Variants in ARHGEF38 observed in about 807,000 individuals in gnomAD.
ARHGEF38 encodes the protein Rho guanine nucleotide exchange factor (GEF) 38.
A neutral mutation model predicts 79.9 loss-of-function variants in ARHGEF38; 79 were observed. That is an observed-to-expected ratio of 0.99 (90% CI 0.82 to 1.19). The LOEUF (loss-of-function observed/expected upper bound fraction) is 1.19, where lower values mean the gene tolerates loss of function less well. Ranked by LOEUF, ARHGEF38 falls within the 50% of genes most tolerant of loss-of-function variation. The pLI is 0.00. For missense variants in ARHGEF38, 962 were observed against 907.2 expected, an observed-to-expected ratio of 1.06 and a Z score of -0.78; for synonymous variants, 366 against 328.3, an observed-to-expected ratio of 1.11 and a Z score of -1.24.
At chr4:105,620,916 C>G (rs1352215107) in intron 3 of ARHGEF38, among the ~76,000 whole-genome samples, 5 of 152,168 alleles carry the variant, frequency 3.3e-5, no homozygotes, top group Admixed American at 1.3e-4. Context: ...TGGGCCCAAG[C>G]CTTAGAAAAG....
rs2149171578 is a variant in ARHGEF38 at position 105,678,110 on chromosome 4, A to G, written c.*173A>G. The G allele has an allele frequency of 2.1e-6, 1 of 472,098 alleles. No homozygotes were observed. The highest frequency in any genetic ancestry group is 2.0e-5 in the African/African-American group (1 of 51,218). The allele number at this position is 472,098 out of a possible 1,614,324, so 29.2% of individuals were successfully genotyped here. On this transcript the variant is annotated 3_prime_UTR_variant, in exon 14 of 14. Coordinates refer to ENST00000420470, the MANE Select transcript of ARHGEF38 (RefSeq NM_001242729.2). ...CCTAACAGGATTATTGCATGAATGT[A>G]TTATAAAGGATACATGTTGAAAGAA...
intron 1 of ARHGEF38, among the ~76,000 whole-genome samples, chr4:105,564,200 T>C (rs1422748558): frequency 6.6e-6 from 1 of 152,202 alleles, no homozygotes; most frequent in South Asian, 2.1e-4. Context: ...AATAGGTTTG[T>C]TTTTCAGTAT....
At chr4:105,667,807 G>A in intron 13 of ARHGEF38, 104 bp downstream of exon 13, 2 of 1,345,976 alleles carry the variant, frequency 1.5e-6, no homozygotes, top group Non-Finnish European at 2.0e-6. Flanking sequence ...TGCCAGCTTT[G>A]ACATCAAGGA....
rs1382643075 is a variant in ARHGEF38 at position 105,679,666 on chromosome 4, TTAAC to T, written c.*1733_*1736del. Reference sequence around the variant, plus strand: ...CCTTATGGCATCCATGCTTTTAAATTTAACTAAATCCATTGTAGAAGGAACACCT... The same window carrying T: ...CCTTATGGCATCCATGCTTTTAAATTTAAATCCATTGTAGAAGGAACACCT... On this transcript the variant is annotated 3_prime_UTR_variant, in exon 14 of 14. Transcript: ENST00000420470. 2.5e-6 allele frequency: 2 copies of T among 800,188 alleles called. No homozygotes were observed. The highest frequency in any genetic ancestry group is 3.4e-5 in the African/African-American group (2 of 59,100). 49.6% of individuals were successfully genotyped at this position (800,188 alleles called of 1,614,324 possible).
intron 2 of ARHGEF38, 94 bp downstream of exon 2, chr4:105,589,529 T>A: frequency 8.9e-7 from 1 of 1,120,336 alleles, no homozygotes; most frequent in Non-Finnish European, 1.2e-6. Context: ...ATCAATGGGA[T>A]GATGTGCCTT....
At chr4:105,636,950 AT>A (rs1157607211) in intron 5 of ARHGEF38, among the ~76,000 whole-genome samples, 1 of 152,132 alleles carries the variant, frequency 6.6e-6, no homozygotes, top group Non-Finnish European at 1.5e-5. Context: ...CAATATAGAA[AT>A]TATTTTAGAA....
chr4:105,593,641 T>C (rs1727444731), intron 2 of ARHGEF38, among the ~76,000 whole-genome samples: 1 of 152,218 alleles, frequency 6.6e-6, no homozygotes, highest in Non-Finnish European at 1.5e-5. Flanking sequence ...AAGTTTACCT[T>C]ATATGAAAAT....
chr4:105,557,966 T>G (rs1172599651), intron 1 of ARHGEF38, among the ~76,000 whole-genome samples: 1 of 152,152 alleles, frequency 6.6e-6, no homozygotes, highest in African/African-American at 2.4e-5. Flanking sequence ...TAAAATGCTA[T>G]TACCCATTAC....
Position 105,659,166 on chromosome 4 carries a change from G to A in ARHGEF38, c.1346G>A (p.Ser449Asn). Residue 449 changes from serine to asparagine, a missense_variant, in exon 10 of 14, where the codon AGC becomes AAC. Coordinates refer to ENST00000420470, the MANE Select transcript of ARHGEF38 (RefSeq NM_001242729.2). ...TATGACAAACTGCTGGATTGCAACA[G>A]CTACCTGCAGCGATCAACGGGAGAG... ...KRYDKLLDCN[S>N]YLQRSTGEES... 2 of 1,536,130 alleles carry A rather than the reference G, an allele frequency of 1.3e-6. No homozygotes were observed. The highest frequency in any genetic ancestry group is 1.7e-6 in the Non-Finnish European group (2 of 1,146,874).
At chr4:105,648,127 A>T (rs1261034021) in intron 6 of ARHGEF38, among the ~76,000 whole-genome samples, 1 of 151,872 alleles carries the variant, frequency 6.6e-6, no homozygotes, top group Non-Finnish European at 1.5e-5. Flanking sequence ...TGACCTCATG[A>T]TCCGCCCACC....
chr4:105,606,626 C>T (rs376055386), intron 2 of ARHGEF38, among the ~76,000 whole-genome samples: 6 of 152,030 alleles, frequency 3.9e-5, no homozygotes, highest in South Asian at 2.1e-4. Context: ...TAATGAAAAG[C>T]GTGATCTATC....
intron 1 of ARHGEF38, among the ~76,000 whole-genome samples, chr4:105,562,011 T>C (rs185354374): frequency 2.8e-4 from 43 of 152,102 alleles, no homozygotes; most frequent in African/African-American, 8.9e-4. Flanking sequence ...CATCTCTGTG[T>C]CAACTCCCTG....
At chr4:105,553,588 AACTT>A (rs1725107766) in intron 1 of ARHGEF38, among the ~76,000 whole-genome samples, 1 of 152,222 alleles carries the variant, frequency 6.6e-6, no homozygotes, top group Admixed American at 6.5e-5. Context: ...TTGAGGAAAT[AACTT>A]CAGTTTATTT....
chr4:105,666,361 C>G, intron 11 of ARHGEF38, 41 bp downstream of exon 11: 2 of 1,473,184 alleles, frequency 1.4e-6, no homozygotes, highest in Non-Finnish European at 1.8e-6. Context: ...ACTTTCACCT[C>G]TTTGCCTTAT....
At chr4:105,651,758 A>G (rs1232976389) in intron 7 of ARHGEF38, among the ~76,000 whole-genome samples, 1 of 152,134 alleles carries the variant, frequency 6.6e-6, no homozygotes, top group African/African-American at 2.4e-5. Flanking sequence ...GGGCTCTAGC[A>G]ATCCTTTCAC....
At chr4:105,565,444 AT>A (rs1225933708) in intron 1 of ARHGEF38, among the ~76,000 whole-genome samples, 2 of 152,146 alleles carry the variant, frequency 1.3e-5, no homozygotes, top group Admixed American at 6.6e-5. Context: ...CTAAGCCAAG[AT>A]TTTTTTGGGT....
intron 1 of ARHGEF38, among the ~76,000 whole-genome samples, chr4:105,553,472 A>G (rs942642873): frequency 1.3e-5 from 2 of 152,362 alleles, no homozygotes; most frequent in Middle Eastern, 6.8e-3. Context: ...GAGAGACGGT[A>G]TAAAAAGATT....
chr4:105,553,028 T>C, intron 1 of ARHGEF38, 67 bp downstream of exon 1: 1 of 1,315,984 alleles, frequency 7.6e-7, no homozygotes, highest in Admixed American at 2.5e-5. Flanking sequence ...ACGTTTCCAA[T>C]TGCAAAGAAA....
intron 2 of ARHGEF38, among the ~76,000 whole-genome samples, chr4:105,612,920 A>T (rs1253633383): frequency 6.6e-6 from 1 of 152,128 alleles, no homozygotes; most frequent in Non-Finnish European, 1.5e-5. Context: ...TATCAAGAAA[A>T]AAAAAGGAAA....
Sources: gnomAD v4.1 joint callset for allele counts (sites outside exome capture counted in the v4.1 genomes callset) on GRCh38, gnomAD v4.1.1 for gene constraint, MANE v1.5 for transcripts, NCBI Gene and HGNC (gene_info 2026-07-23, HGNC 2026-07-21) for gene names.